GPC5: variants seen among roughly 807,000 people sequenced by gnomAD.
GPC5 encodes glypican-5.
In GPC5, 47 loss-of-function variants were observed where a neutral mutation model predicts 53.9. The ratio of observed to expected loss-of-function variants is 0.87; its 90% CI spans 0.69 to 1.11. The LOEUF (loss-of-function observed/expected upper bound fraction) is 1.11, where lower values mean the gene tolerates loss of function less well. GPC5 is among the 50% of genes most tolerant of loss of function. The pLI is 0.00. For missense variants in GPC5, 748 were observed against 713.1 expected, an observed-to-expected ratio of 1.05 and a Z score of -0.56; for synonymous variants, 286 against 263.3, an observed-to-expected ratio of 1.09 and a Z score of -0.84.
chr13:91,699,489 T>C (rs2035950890), intron 3 of GPC5, among the ~76,000 whole-genome samples: 1 of 152,218 alleles, frequency 6.6e-6, no homozygotes, highest in South Asian at 2.1e-4. Flanking sequence ...TTGAAAGATA[T>C]TATTTTTACC....
At chr13:92,856,844 G>C (rs963470093) in intron 7 of GPC5, among the ~76,000 whole-genome samples, 56 of 151,642 alleles carry the variant, frequency 3.7e-4, no homozygotes, top group Non-Finnish European at 7.4e-5. Context: ...ACACAAAGGG[G>C]GAAACATTCC....
intron 7 of GPC5, among the ~76,000 whole-genome samples, chr13:92,441,965 T>C (rs555863909): frequency 3.3e-5 from 5 of 152,298 alleles, no homozygotes; most frequent in African/African-American, 4.8e-5. Context: ...CAGGACCATA[T>C]ACTTGGCTAT....
chr13:91,846,126 G>A (rs1326504540), intron 5 of GPC5, among the ~76,000 whole-genome samples: 1 of 152,102 alleles, frequency 6.6e-6, no homozygotes, highest in African/African-American at 2.4e-5. Flanking sequence ...CCCTCCACAT[G>A]ACCTGAAAAG....
chr13:92,771,519 AT>A (rs1239022623), intron 7 of GPC5, among the ~76,000 whole-genome samples: 3 of 151,776 alleles, frequency 2.0e-5, no homozygotes, highest in Middle Eastern at 3.4e-3. Context: ...ATTTTTTTGC[AT>A]TTTTAGTAGA....
chr13:92,099,338 C>T lies in GPC5; in HGVS notation c.1402-45492C>T, dbSNP rs529059169. 5.5e-4 allele frequency among the ~76,000 whole-genome samples: 84 copies of T among 152,294 alleles called. 1 individual carries two copies. The highest frequency in any genetic ancestry group is 9.9e-4 in the African/African-American group (41 of 41,586). ...CTCCTGCTACCCACTCCAGCATCAC[C>T]TACCTTGCAGTTAGGGCTAAGGTAA... On this transcript the variant is annotated intron_variant, in intron 6 of 7. Coordinates refer to ENST00000377067, the MANE Select transcript of GPC5 (RefSeq NM_004466.6).
At chr13:91,723,391 G>T (rs188400091) in intron 3 of GPC5, among the ~76,000 whole-genome samples, 1 of 149,878 alleles carries the variant, frequency 6.7e-6, no homozygotes, top group Non-Finnish European at 1.5e-5. Flanking sequence ...CATTAACTTG[G>T]TTTTGATCTC....
At chr13:92,337,884 C>A (rs2043335849) in intron 7 of GPC5, among the ~76,000 whole-genome samples, 1 of 152,010 alleles carries the variant, frequency 6.6e-6, no homozygotes, top group South Asian at 2.1e-4. Flanking sequence ...AAAATTCTAG[C>A]TGAACTTGGT....
intron 2 of GPC5, among the ~76,000 whole-genome samples, chr13:91,488,922 C>T (rs531025809): frequency 2.6e-5 from 4 of 152,274 alleles, no homozygotes; most frequent in Admixed American, 2.0e-4. Flanking sequence ...GGGGAGGCCT[C>T]GAAAATGGCC....
intron 6 of GPC5, among the ~76,000 whole-genome samples, chr13:92,137,355 T>C (rs2041792489): frequency 6.6e-6 from 1 of 152,296 alleles, no homozygotes; most frequent in African/African-American, 2.4e-5. Context: ...AGTTCAAAAC[T>C]TGAAACACTG....
At chr13:91,552,166 G>T (rs2030678325) in intron 2 of GPC5, among the ~76,000 whole-genome samples, 1 of 151,942 alleles carries the variant, frequency 6.6e-6, no homozygotes. Context: ...GAGATGAAAT[G>T]AGTCTGAAGA....
At position 91,531,555 on chromosome 13, in the gene GPC5, G is replaced by A. The variant is rs947344001; in HGVS notation, c.325+82633G>A. ...CTTTAAGAACTTGTTCTTCACTCTT[G>A]CAGAAGAAAACAGAAGGGAGTGTGC... On this transcript the variant is annotated intron_variant, in intron 2 of 7. Transcript: ENST00000377067. Among the ~76,000 whole-genome samples, 7 of 152,104 alleles carry A rather than the reference G, an allele frequency of 4.6e-5. 1 individual carries two copies. The highest frequency in any genetic ancestry group is 2.9e-5 in the Non-Finnish European group (2 of 68,026).
Position 91,723,956 on chromosome 13 carries a change from T to C in GPC5, c.1021-4576T>C, listed in dbSNP as rs147552262. Among the ~76,000 whole-genome samples, 213 of 152,358 alleles carry C rather than the reference T, an allele frequency of 1.4e-3. 1 individual carries two copies. Among genetic ancestry groups the C allele is most frequent in the Non-Finnish European group, 2.4e-3 (165 of 68,036 alleles). ...TTGAAATAAAACTAAAATCGTGGAC[T>C]TTCTCTCTGTGTTGAAGAATTAGCT... On this transcript the variant is annotated intron_variant, in intron 3 of 7. Coordinates refer to ENST00000377067, the MANE Select transcript of GPC5 (RefSeq NM_004466.6).
Position 92,797,304 on chromosome 13 carries a change from A to G in GPC5, c.1562-68978A>G, listed in dbSNP as rs9301834. ...AAAATTACCACTTTCCATAGAATTG[A>G]TGATCACTTAATATATGAATTTATT... On this transcript the variant is annotated intron_variant, in intron 7 of 7. Coordinates refer to ENST00000377067, the MANE Select transcript of GPC5 (RefSeq NM_004466.6). Among the ~76,000 whole-genome samples the G allele has an allele frequency of 0.025, 3,836 of 152,004 alleles. 381 individuals carry two copies. The East Asian group carries it at 0.32, about 13-fold the overall frequency.
chr13:91,911,426 C>T (rs2039609350), intron 6 of GPC5, among the ~76,000 whole-genome samples: 2 of 152,030 alleles, frequency 1.3e-5, no homozygotes, highest in African/African-American at 4.8e-5. Context: ...CACCTGTAAT[C>T]CCAGCTACTC....
intron 7 of GPC5, among the ~76,000 whole-genome samples, chr13:92,252,440 A>G (rs1272592671): frequency 6.6e-6 from 1 of 152,108 alleles, no homozygotes; most frequent in Non-Finnish European, 1.5e-5. Context: ...ATTTTGCAGC[A>G]TTAATATGAA....
intron 6 of GPC5, among the ~76,000 whole-genome samples, chr13:91,994,359 T>C (rs1166324913): frequency 6.6e-6 from 1 of 152,184 alleles, no homozygotes. Context: ...ATATATATGT[T>C]GTTGAAGGCA....
chr13:92,173,462 T>C (rs1265818625), intron 7 of GPC5, among the ~76,000 whole-genome samples: 1 of 152,244 alleles, frequency 6.6e-6, no homozygotes, highest in African/African-American at 2.4e-5. Context: ...GTACCTCATG[T>C]GCCATGAGGA....
intron 7 of GPC5, among the ~76,000 whole-genome samples, chr13:92,183,956 T>C (rs142221761): frequency 5.7e-4 from 87 of 152,142 alleles, no homozygotes; most frequent in African/African-American, 1.9e-3. Context: ...ACTGATACTA[T>C]TAATTTAAAT....
At chr13:92,400,966 G>A (rs1254038048) in intron 7 of GPC5, among the ~76,000 whole-genome samples, 1 of 151,920 alleles carries the variant, frequency 6.6e-6, no homozygotes, top group Non-Finnish European at 1.5e-5. Flanking sequence ...TCCTAGGTAT[G>A]TTCTGAGGCA....
Sources: allele counts gnomAD v4.1 joint callset (sites outside exome capture counted in the v4.1 genomes callset), GRCh38; gene constraint gnomAD v4.1.1; transcripts MANE v1.5; gene names NCBI Gene and HGNC (gene_info 2026-07-23, HGNC 2026-07-21).